TAB1: variants seen among roughly 807,000 people sequenced by gnomAD.
TAB1 encodes TGF-beta-activated kinase 1 and MAP3K7-binding protein 1.
A neutral mutation model predicts 54.5 loss-of-function variants in TAB1; 30 were observed. That is an observed-to-expected ratio of 0.55 (90% CI 0.41 to 0.75). The LOEUF (loss-of-function observed/expected upper bound fraction) is 0.75, where lower values mean the gene tolerates loss of function less well. TAB1 is among the 30% of genes least tolerant of loss of function. The pLI, the probability that TAB1 is intolerant of heterozygous loss-of-function variation, is 0.00. For missense variants in TAB1, 609 were observed against 683.2 expected, an observed-to-expected ratio of 0.89 and a Z score of 1.21; for synonymous variants, 289 against 286.9, an observed-to-expected ratio of 1.01 and a Z score of -0.07.
At chr22:39,408,836 G>A (rs1926489611) in intron 1 of TAB1, among the ~76,000 whole-genome samples, 1 of 152,168 alleles carries the variant, frequency 6.6e-6, no homozygotes. Context: ...GTCTAATGTG[G>A]AACAGACCCA....
chr22:39,421,934 C>T lies in TAB1; in HGVS notation c.884C>T (p.Ala295Val), dbSNP rs756014960. The T allele has an allele frequency of 1.9e-6, 3 of 1,602,016 alleles. No homozygotes were observed. Among genetic ancestry groups the T allele is most frequent in the South Asian group, 1.1e-5 (1 of 89,118 alleles). Residue 295 changes from alanine to valine, a missense_variant, in exon 8 of 11, where the codon GCC becomes GTC. By Grantham distance (64) the Ala-to-Val change is moderately conservative (BLOSUM62 0). Transcript: ENST00000216160. ...LVLMSEGLYK[A>V]LEAAHGPGQA... is the part of the protein sequence containing the mutation. ...CTGATGTCGGAGGGGTTGTACAAGG[C>T]CCTAGAGGCAGCCCATGGGCCTGGG...
Position 39,431,143 on chromosome 22 carries a change from T to C in TAB1, c.*921T>C. ...TTGTGAGTCAGGCTGGGGGACTTGTTTGAAAGAAAGAGGAGTGGAAAATGG... is the reference window on the plus strand; with the variant it reads ...TTGTGAGTCAGGCTGGGGGACTTGTCTGAAAGAAAGAGGAGTGGAAAATGG... On this transcript the variant is annotated 3_prime_UTR_variant, in exon 11 of 11. Coordinates refer to ENST00000216160, the MANE Select transcript of TAB1 (RefSeq NM_006116.3). 1 of 985,858 alleles carries C rather than the reference T, an allele frequency of 1.0e-6. No homozygotes were observed. The highest frequency in any genetic ancestry group is 1.2e-6 in the Non-Finnish European group (1 of 830,284). The allele number at this position is 985,858 out of a possible 1,614,324, so 61.1% of individuals were successfully genotyped here.
At chr22:39,432,082 C>A (rs1426395491), downstream of TAB1, among the ~76,000 whole-genome samples, 1 of 152,218 alleles carries the variant, frequency 6.6e-6, no homozygotes, top group East Asian at 1.9e-4. Flanking sequence ...CCTGTTACCT[C>A]CCAGGCCCAC....
At chr22:39,423,331 A>G (rs1363625282) in intron 8 of TAB1, among the ~76,000 whole-genome samples, 1 of 152,178 alleles carries the variant, frequency 6.6e-6, no homozygotes, top group East Asian at 1.9e-4. Flanking sequence ...TTGGCCGGGC[A>G]CAGTGGCTCA....
chr22:39,419,759 C>T, intron 7 of TAB1, 129 bp downstream of exon 7: 1 of 541,534 alleles, frequency 1.8e-6, no homozygotes, highest in Non-Finnish European at 3.2e-6. Context: ...TGCACTCCAG[C>T]CTGGGCAACA....
At chr22:39,412,813 T>G (rs1436633338) in intron 1 of TAB1, among the ~76,000 whole-genome samples, 1 of 152,138 alleles carries the variant, frequency 6.6e-6, no homozygotes, top group Non-Finnish European at 1.5e-5. Flanking sequence ...CTGTGTGTGT[T>G]TTATTTCTTT....
intron 7 of TAB1, among the ~76,000 whole-genome samples, chr22:39,421,023 AGGTGCTGG>A (rs1569199456): frequency 1.3e-5 from 2 of 149,178 alleles, no homozygotes; most frequent in African/African-American, 5.0e-5. Flanking sequence ...TGCCCCTCCC[AGGTGCTGG>A]TGTGTCCTGC....
At chr22:39,403,976 A>G (rs1222280714) in intron 1 of TAB1, among the ~76,000 whole-genome samples, 1 of 152,118 alleles carries the variant, frequency 6.6e-6, no homozygotes, top group African/African-American at 2.4e-5. Flanking sequence ...GAGTGGTGAG[A>G]GTGGAAGCCT....
chr22:39,426,971 G>T, intron 9 of TAB1, 46 bp downstream of exon 9: 1 of 1,581,432 alleles, frequency 6.3e-7, no homozygotes. Context: ...TGCCATCTGG[G>T]GGCCAGAGGT....
intron 10 of TAB1, chr22:39,429,382 A>G (rs1349062396): frequency 2.0e-6 from 2 of 985,200 alleles, no homozygotes; most frequent in Non-Finnish European, 2.4e-6. Context: ...CACCCGAGGA[A>G]CTTCCTGTGA....
chr22:39,418,655 T>G, intron 5 of TAB1, 77 bp from the exon 6 acceptor site: 1 of 1,135,936 alleles, frequency 8.8e-7, no homozygotes, highest in Non-Finnish European at 1.3e-6. Context: ...TGCCTGCCTT[T>G]TCCCTCTCTG....
At chr22:39,402,384 T>C (rs1436028720) in intron 1 of TAB1, among the ~76,000 whole-genome samples, 3 of 152,216 alleles carry the variant, frequency 2.0e-5, no homozygotes, top group Non-Finnish European at 4.4e-5. Flanking sequence ...CAATTAGTAC[T>C]ACAAGTCTAT....
At chr22:39,434,787 C>T (rs1450073693), downstream of TAB1, among the ~76,000 whole-genome samples, 2 of 152,248 alleles carry the variant, frequency 1.3e-5, no homozygotes, top group African/African-American at 4.8e-5. Flanking sequence ...CACAGAGGGG[C>T]CAGGGCAGGG....
At chr22:39,409,876 G>A (rs932144188) in intron 1 of TAB1, among the ~76,000 whole-genome samples, 3 of 152,162 alleles carry the variant, frequency 2.0e-5, no homozygotes, top group African/African-American at 7.2e-5. Context: ...GAGCCTCTCT[G>A]TTTTCTCTTC....
intron 3 of TAB1, among the ~76,000 whole-genome samples, chr22:39,416,338 T>C (rs1311104465): frequency 6.6e-6 from 1 of 152,210 alleles, no homozygotes; most frequent in Admixed American, 6.5e-5. Flanking sequence ...AAAGAAGTTG[T>C]AGTAATCATA....
chr22:39,430,409 T>C lies in TAB1; in HGVS notation c.*187T>C, dbSNP rs533709539. 4 of 1,436,104 alleles carry C rather than the reference T, an allele frequency of 2.8e-6. No homozygotes were observed. In the South Asian group the frequency reaches 5.8e-5, roughly 21 times the overall value. 89.0% of individuals were successfully genotyped at this position (1,436,104 alleles called of 1,614,324 possible). On this transcript the variant is annotated 3_prime_UTR_variant, in exon 11 of 11. Coordinates refer to ENST00000216160, the MANE Select transcript of TAB1 (RefSeq NM_006116.3). ...CAGACTGGACCTGTGGTTCATACCTTGTCACCACCCGGGAAGCTGAAGGCC... is the reference window on the plus strand; with the variant it reads ...CAGACTGGACCTGTGGTTCATACCTCGTCACCACCCGGGAAGCTGAAGGCC...
At chr22:39,407,566 C>T (rs1386721506) in intron 1 of TAB1, among the ~76,000 whole-genome samples, 1 of 151,936 alleles carries the variant, frequency 6.6e-6, no homozygotes, top group Admixed American at 6.6e-5. Context: ...TCACTGCACG[C>T]TCTGCCTCCC....
At chr22:39,410,576 T>C (rs1926565378) in intron 1 of TAB1, among the ~76,000 whole-genome samples, 1 of 152,142 alleles carries the variant, frequency 6.6e-6, no homozygotes, top group African/African-American at 2.4e-5. Flanking sequence ...CTTTTTTTTT[T>C]CATTTCCATT....
intron 8 of TAB1, among the ~76,000 whole-genome samples, chr22:39,425,665 G>A (rs1927294532): frequency 6.6e-6 from 1 of 151,334 alleles, no homozygotes; most frequent in South Asian, 2.1e-4. Context: ...TTCTGCCTCA[G>A]CCTCCCGAGT....
Sources: gnomAD v4.1 joint callset for allele counts (sites outside exome capture counted in the v4.1 genomes callset) on GRCh38, gnomAD v4.1.1 for gene constraint, MANE v1.5 for transcripts, NCBI Gene and HGNC (gene_info 2026-07-23, HGNC 2026-07-21) for gene names.